The following SELPLG variants were observed in gnomAD, a reference collection of about 807,000 sequenced individuals.
SELPLG encodes the protein P-selectin glycoprotein ligand 1.
SELPLG carries 2 observed loss-of-function variants against 1.1 expected under a neutral mutation model. That is an observed-to-expected ratio of 1.82 (90% CI 0.74 to 5.71). The LOEUF (loss-of-function observed/expected upper bound fraction) is 5.71, where lower values mean the gene tolerates loss of function less well. Among genes scored for constraint, SELPLG ranks in the 30% most tolerant of loss-of-function variants. SELPLG has a pLI of 0.05. For synonymous variants in SELPLG, 230 were observed against 221.2 expected (o/e 1.04, Z -0.35); for missense variants, 478 against 524.7 (o/e 0.91, Z 0.87).
chr12:108,632,397 T>G (rs927158320), intron 1 of SELPLG, among the ~76,000 whole-genome samples: 1 of 138,892 alleles, frequency 7.2e-6, no homozygotes, highest in African/African-American at 3.3e-5. Flanking sequence ...GGGGTGTGTG[T>G]GTGTGTGTGT....
chr12:108,630,103 G>A (rs1345086612), intron 1 of SELPLG, among the ~76,000 whole-genome samples: 1 of 152,228 alleles, frequency 6.6e-6, no homozygotes, highest in African/African-American at 2.4e-5. Flanking sequence ...TGGGGCCAGG[G>A]CAGGGCTCCG....
In SELPLG at chr12:108,622,561, G is replaced by C. The variant is rs2031841515; in HGVS notation, c.*508C>G. The stretch of plus-strand genomic sequence containing the variant: ...CTGCCCCAAGTCAGAGGAGCAGCAG[G>C]AAACAGCCTCAGAAGTCCGTCACTC... On this transcript the variant is annotated 3_prime_UTR_variant, in exon 2 of 2. Coordinates refer to ENST00000550948, the MANE Select transcript of SELPLG (RefSeq NM_003006.4). 6.5e-6 allele frequency: 1 copy of C among 153,396 alleles called. No individual in the cohort carries two copies. The highest frequency in any genetic ancestry group is 1.4e-5 in the Non-Finnish European group (1 of 68,974). 9.5% of individuals were successfully genotyped at this position (153,396 alleles called of 1,614,324 possible).
intron 1 of SELPLG, among the ~76,000 whole-genome samples, chr12:108,629,935 C>T (rs1204468498): frequency 2.0e-5 from 3 of 152,218 alleles, no homozygotes; most frequent in Admixed American, 6.5e-5. Context: ...CATCCTCTCA[C>T]TATCTGGTGA....
At chr12:108,632,044 G>T (rs1565890946) in intron 1 of SELPLG, 2 of 897,228 alleles carry the variant, frequency 2.2e-6, no homozygotes. Flanking sequence ...TCTGTAAAAG[G>T]GGCACTGTCC....
chr12:108,626,477 TA>T (rs1253845571), intron 1 of SELPLG, among the ~76,000 whole-genome samples: 1 of 152,072 alleles, frequency 6.6e-6, no homozygotes, highest in African/African-American at 2.4e-5. Flanking sequence ...TATCTTAAAC[TA>T]ATTTATTTCC....
At chr12:108,624,433 T>G in intron 1 of SELPLG, 121 bp from the exon 2 acceptor site, 1 of 905,668 alleles carries the variant, frequency 1.1e-6, no homozygotes. Flanking sequence ...GAGCAGGGAC[T>G]GGGGACTTAG....
At chr12:108,626,133 T>C (rs8179136) in intron 1 of SELPLG, among the ~76,000 whole-genome samples, 5,365 of 147,472 alleles carry the variant, frequency 0.036, 304 homozygotes, top group African/African-American at 0.13. Flanking sequence ...CTTTTCTTTT[T>C]TTTTTTTTTT....
At chr12:108,629,136 G>A (rs1377890995) in intron 1 of SELPLG, among the ~76,000 whole-genome samples, 1 of 152,198 alleles carries the variant, frequency 6.6e-6, no homozygotes, top group East Asian at 1.9e-4. Flanking sequence ...TGGGCTTTGA[G>A]AAAGCAGAGA....
intron 1 of SELPLG, among the ~76,000 whole-genome samples, chr12:108,625,465 C>T (rs544372086): frequency 2.0e-5 from 3 of 152,186 alleles, no homozygotes; most frequent in East Asian, 3.8e-4. Flanking sequence ...ACAACCTCTC[C>T]GCAAAGACTG....
In SELPLG at chr12:108,623,084, G is replaced by C; in HGVS notation, c.1224C>G (p.His408Gln). ...EDREGDDLTL[H>Q]SFLP ...GCAGAGTGAGCTAAGGGAGGAAGCT[G>C]TGCAGGGTGAGGTCATCCCCCTCAC... Residue 408 changes from histidine to glutamine, a missense_variant, in exon 2 of 2, where the codon CAC becomes CAG. Physicochemically the swap from His to Gln is conservative, Grantham distance 24. Transcript: ENST00000550948. 6.6e-7 allele frequency: 1 copy of C among 1,511,206 alleles called. No individual in the cohort carries two copies. Among genetic ancestry groups the C allele is most frequent in the Non-Finnish European group, 8.8e-7 (1 of 1,131,564 alleles). 93.6% of individuals were successfully genotyped at this position (1,511,206 alleles called of 1,614,324 possible). A position where few individuals can be genotyped will look rare whatever the true frequency, so the allele number is the denominator to read the frequency against.
rs950111271 is a variant in SELPLG, at chr12:108,623,708, C to T, written c.600G>A (p.Glu200=). 6.3e-7 allele frequency: 1 copy of T among 1,598,090 alleles called. No homozygotes were observed. Among genetic ancestry groups the T allele is most frequent in the Non-Finnish European group, 8.5e-7 (1 of 1,175,652 alleles). ...EAQTTAPAAM[E]AQTTAPAAME... ...TGGCTGCTGGTGCAGTGGTCTGTGC[C>T]TCCATGGCTGCTGGTGCAGTGGTCT... The change falls in exon 2 of 2, where the codon GAG becomes GAA. Residue 200 remains glutamate, a synonymous_variant. Transcript: ENST00000550948.
At position 108,622,036 on chromosome 12, in the gene SELPLG, C is replaced by A. The variant is rs1237883504; in HGVS notation, c.*1033G>T. Among the ~76,000 whole-genome samples, 1 of 152,174 alleles carries A rather than the reference C, an allele frequency of 6.6e-6. No homozygotes were observed. Among genetic ancestry groups the A allele is most frequent in the Non-Finnish European group, 1.5e-5 (1 of 68,026 alleles). Reference sequence around the variant, plus strand: ...TGGTCACTGGTGGGGAAGGGGCAGCCCTCCCTTTGGCCCCCCATAGCCTGA... The same window carrying A: ...TGGTCACTGGTGGGGAAGGGGCAGCACTCCCTTTGGCCCCCCATAGCCTGA... On this transcript the variant is annotated 3_prime_UTR_variant, in exon 2 of 2. Coordinates refer to ENST00000550948, the MANE Select transcript of SELPLG (RefSeq NM_003006.4).
chr12:108,630,211 G>A (rs2032021488), intron 1 of SELPLG, among the ~76,000 whole-genome samples: 1 of 152,220 alleles, frequency 6.6e-6, no homozygotes, highest in South Asian at 2.1e-4. Context: ...CCTAAAACCA[G>A]GCTGCTTCTG....
chr12:108,631,411 G>A lies in SELPLG; in HGVS notation c.-6+2329C>T, dbSNP rs568181643. On this transcript the variant is annotated intron_variant, in intron 1 of 1. Transcript: ENST00000550948. ...ACTACAGGTGCATGCCACCAGACCC[G>A]GCTACTTTTAAATTTTTTGTAGAGA... Among the ~76,000 whole-genome samples, 7 of 152,074 alleles carry A rather than the reference G, an allele frequency of 4.6e-5. No individual in the cohort carries two copies. The South Asian group carries it at 6.2e-4, about 14-fold the overall frequency.
chr12:108,631,845 C>T (rs1163839947), intron 1 of SELPLG: 3 of 1,511,018 alleles, frequency 2.0e-6, no homozygotes, highest in East Asian at 2.5e-5. Flanking sequence ...CACAGACCCC[C>T]AACACACACA....
chr12:108,629,786 A>G (rs2032011983), intron 1 of SELPLG, among the ~76,000 whole-genome samples: 1 of 152,204 alleles, frequency 6.6e-6, no homozygotes. Context: ...GAGGCCACAC[A>G]GGTAGAAGGG....
chr12:108,626,128 C>CTTTTTTTT (rs573374699), intron 1 of SELPLG, among the ~76,000 whole-genome samples: 2 of 125,748 alleles, frequency 1.6e-5, no homozygotes, highest in Non-Finnish European at 1.7e-5. Flanking sequence ...GGTTTCTTTT[C>CTTTTTTTT]TTTTTTTTTT....
chr12:108,624,476 C>T (rs2031897100), intron 1 of SELPLG, 164 bp from the exon 2 acceptor site: 2 of 632,434 alleles, frequency 3.2e-6, no homozygotes, highest in Non-Finnish European at 5.5e-6. Context: ...GGAGAAGATC[C>T]TCAGCCAGTA....
chr12:108,623,693 T>A lies in SELPLG; in HGVS notation c.615A>T (p.Ala205=), dbSNP rs1195690170. 3.2e-5 allele frequency: 49 copies of A among 1,522,238 alleles called. 1 individual carries two copies. Among genetic ancestry groups the A allele is most frequent in the Non-Finnish European group, 4.3e-5 (49 of 1,144,700 alleles). 94.3% of individuals were successfully genotyped at this position (1,522,238 alleles called of 1,614,324 possible). ...APAAMEAQTT[A]PAAMEAQTTP... ...TGGTCTGTGCTTCCATGGCTGCTGG[T>A]GCAGTGGTCTGTGCCTCCATGGCTG... Residue 205 remains alanine, a synonymous_variant, in exon 2 of 2, where the codon GCA becomes GCT. Coordinates refer to ENST00000550948, the MANE Select transcript of SELPLG (RefSeq NM_003006.4).
Sources: allele counts gnomAD v4.1 joint callset (sites outside exome capture counted in the v4.1 genomes callset), GRCh38; gene constraint gnomAD v4.1.1; transcripts MANE v1.5; gene names NCBI Gene and HGNC (gene_info 2026-07-23, HGNC 2026-07-21).